DHX29: variants seen among roughly 807,000 people sequenced by gnomAD.
DHX29 encodes the protein DExH-box helicase 29, also known as ATP-dependent RNA helicase DHX29.
In DHX29, 79 loss-of-function variants were observed where a neutral mutation model predicts 167.9. That is an observed-to-expected ratio of 0.47 (90% CI 0.39 to 0.57). DHX29 has a LOEUF of 0.57. Ranked by LOEUF, DHX29 falls within the 20% of genes least tolerant of loss-of-function variation. The pLI, the probability that DHX29 is intolerant of heterozygous loss-of-function variation, is 0.00. For synonymous variants in DHX29, 530 were observed against 546.0 expected (o/e 0.97, Z 0.41); for missense variants, 1,347 against 1,593.4 (o/e 0.85, Z 2.63).
rs1485792786 is a variant in DHX29, at chr5:55,276,383, T to C, written c.2310A>G (p.Ile770Met). The C allele has an allele frequency of 6.3e-7, 1 of 1,591,812 alleles. No individual in the cohort carries two copies. The highest frequency in any genetic ancestry group is 2.3e-5 in the East Asian group (1 of 44,400). ...TTTCCAGTACAAAGCCTGTTTCTTC[T>C]ATTATATCTTCAAGATGAAAAACCT... ...PVEVFHLEDIIEETGFVLEKD... is the reference protein window; with the variant it reads ...PVEVFHLEDIMEETGFVLEKD... The change falls in exon 14 of 27, where the codon ATA becomes ATG. Residue 770 changes from isoleucine (I) to methionine (M), a missense_variant. By Grantham distance (10) the Ile-to-Met change is conservative (BLOSUM62 1). Coordinates refer to ENST00000251636, the MANE Select transcript of DHX29 (RefSeq NM_019030.4).
chr5:55,286,111 C>T (rs772809409), intron 8 of DHX29, among the ~76,000 whole-genome samples: 7 of 151,870 alleles, frequency 4.6e-5, no homozygotes, highest in Non-Finnish European at 7.4e-5. Flanking sequence ...AAAAATTATT[C>T]GGCGTGGTGG....
chr5:55,286,313 A>G (rs1404257209), intron 8 of DHX29, among the ~76,000 whole-genome samples: 1 of 152,072 alleles, frequency 6.6e-6, no homozygotes, highest in East Asian at 1.9e-4. Flanking sequence ...ATTTTCTTCT[A>G]TGTGACATAA....
chr5:55,289,253 T>C lies in DHX29; in HGVS notation c.1066+17A>G. 6.5e-7 allele frequency: 1 copy of C among 1,532,506 alleles called. No homozygotes were observed. Among genetic ancestry groups the C allele is most frequent in the Non-Finnish European group, 8.7e-7 (1 of 1,148,114 alleles). 94.9% of individuals were successfully genotyped at this position (1,532,506 alleles called of 1,614,324 possible). The stretch of plus-strand genomic sequence containing the variant: ...TTATTTACAAATTACACCCTGACCA[T>C]CTTCCCTTAATTTTACCTTTCTCTT... On this transcript the variant is annotated intron_variant, in intron 8 of 26. Coordinates refer to ENST00000251636, the MANE Select transcript of DHX29 (RefSeq NM_019030.4).
At chr5:55,278,385 G>A (rs1275537402) in intron 12 of DHX29, among the ~76,000 whole-genome samples, 1 of 152,214 alleles carries the variant, frequency 6.6e-6, no homozygotes, top group East Asian at 1.9e-4. Flanking sequence ...CACTTACAGT[G>A]TGACTTAGGA....
At chr5:55,275,048 A>G in intron 14 of DHX29, 38 bp from the exon 15 acceptor site, 1 of 1,597,174 alleles carries the variant, frequency 6.3e-7, no homozygotes, top group East Asian at 2.2e-5. Flanking sequence ...GAATAAAAAT[A>G]TTAAGTATTT....
intron 1 of DHX29, among the ~76,000 whole-genome samples, chr5:55,299,351 C>G (rs1748486983): frequency 6.6e-6 from 1 of 152,158 alleles, no homozygotes; most frequent in African/African-American, 2.4e-5. Context: ...AGAGAAAGCA[C>G]TCTTTCTTGA....
At chr5:55,277,047 G>A in intron 13 of DHX29, 59 bp downstream of exon 13, 1 of 1,316,174 alleles carries the variant, frequency 7.6e-7, no homozygotes, top group Non-Finnish European at 1.1e-6. Context: ...CATCTTCTAG[G>A]GAAAGAACCT....
At position 55,307,609 on chromosome 5, in the gene DHX29, GC is replaced by G. The variant is rs1473761007; in HGVS notation, c.-37del. On this transcript the variant is annotated 5_prime_UTR_variant, in exon 1 of 27. Transcript: ENST00000251636. ...TGGCAGAAGATCCTTCGCGGCCCAG[GC>G]CCCGACGGTACCACTGCACAGCCGA... is the stretch of plus-strand genomic sequence containing the variant. The G allele has an allele frequency of 3.7e-6, 6 of 1,609,298 alleles. No homozygotes were observed. The highest frequency in any genetic ancestry group is 5.1e-6 in the Non-Finnish European group (6 of 1,179,268).
intron 16 of DHX29, 87 bp downstream of exon 16, chr5:55,274,527 C>A (rs1747009750): frequency 4.0e-6 from 4 of 992,488 alleles, no homozygotes; most frequent in Non-Finnish European, 5.9e-6. Flanking sequence ...GGTGAAAAGA[C>A]TTTGAAAACT....
At chr5:55,283,139 T>C in intron 11 of DHX29, 64 bp downstream of exon 11, 1 of 1,511,598 alleles carries the variant, frequency 6.6e-7, no homozygotes, top group South Asian at 1.3e-5. Flanking sequence ...TCCATTTGGA[T>C]CACAAAAGCA....
chr5:55,283,243 A>G lies in DHX29; in HGVS notation c.1925T>C (p.Val642Ala). 2 of 1,608,122 alleles carry G rather than the reference A, an allele frequency of 1.2e-6. No homozygotes were observed. Among genetic ancestry groups the G allele is most frequent in the Non-Finnish European group, 1.7e-6 (2 of 1,175,950 alleles). The stretch of plus-strand genomic sequence containing the variant: ...ATTTTCACAGCCCAATTCATCACAT[A>G]CTCTGTTGGCTAAACTAACTGCTGA... ...RISAVSLANR[V>A]CDELGCENGP... Residue 642 changes from valine (V) to alanine (A), a missense_variant, in exon 11 of 27, where the codon GTA becomes GCA. Physicochemically the swap from Val to Ala is moderately conservative, Grantham distance 64. Around this residue, in one of 3 missense-constraint regions of DHX29, gnomAD observed 882 missense variants for 1,082.4 expected, o/e 0.81. Transcript: ENST00000251636.
At chr5:55,266,235 G>A (rs1288754612) in intron 23 of DHX29, among the ~76,000 whole-genome samples, 1 of 151,016 alleles carries the variant, frequency 6.6e-6, no homozygotes, top group Non-Finnish European at 1.5e-5. Context: ...CTGACCTCAT[G>A]ATCCACCCGC....
In DHX29 at chr5:55,281,505, C is replaced by A; in HGVS notation, c.1976G>T (p.Cys659Phe). 1 of 1,584,888 alleles carries A rather than the reference C, an allele frequency of 6.3e-7. No individual in the cohort carries two copies. The highest frequency in any genetic ancestry group is 8.6e-7 in the Non-Finnish European group (1 of 1,166,514). The change falls in exon 12 of 27, where the codon TGT becomes TTT. Residue 659 changes from cysteine (C) to phenylalanine (F), a missense_variant. Cys to Phe is a radical substitution (Grantham distance 205, BLOSUM62 -2). This residue lies in a region of DHX29 where 882 missense variants were observed against 1,082.4 expected (regional missense o/e 0.81). Coordinates refer to ENST00000251636, the MANE Select transcript of DHX29 (RefSeq NM_019030.4). ...AGATTCCATCCGGATCTGATATCCA[C>A]ACAAGGAATTCTAAAGGGAGAACAT... ...ENGPGGRNSL[C>F]GYQIRMESRA...
At chr5:55,281,621 G>A (rs967357842) in intron 11 of DHX29, 106 bp from the exon 12 acceptor site, 4 of 692,946 alleles carry the variant, frequency 5.8e-6, no homozygotes, top group African/African-American at 1.8e-5. Flanking sequence ...ATGGAGCATT[G>A]TAAGTAATCT....
chr5:55,285,474 A>C (rs1040060508), intron 9 of DHX29, 58 bp from the exon 10 acceptor site: 19 of 1,504,276 alleles, frequency 1.3e-5, no homozygotes, highest in Admixed American at 4.3e-5. Flanking sequence ...GATAAAAAAA[A>C]CTCAGAATTC....
Position 55,262,831 on chromosome 5 carries a change from T to A in DHX29, c.3627A>T (p.Ser1209=), listed in dbSNP as rs777355598. Reference sequence around the variant, plus strand: ...CTTTAAGAAGGGCAATTTCTTGGAATGAGAGGGTCTGTGAGGCTCTGTTTC... The same window carrying A: ...CTTTAAGAAGGGCAATTTCTTGGAAAGAGAGGGTCTGTGAGGCTCTGTTTC... ...WEGNRASQTL[S]FQEIALLKAV... Residue 1209 remains serine (S), a synonymous_variant, in exon 24 of 27, where the codon TCA becomes TCT. Coordinates refer to ENST00000251636, the MANE Select transcript of DHX29 (RefSeq NM_019030.4). 1.2e-6 allele frequency: 2 copies of A among 1,613,920 alleles called. No homozygotes were observed. The highest frequency in any genetic ancestry group is 4.5e-5 in the East Asian group (2 of 44,890).
intron 12 of DHX29, chr5:55,279,714 G>A (rs1405425725): frequency 6.5e-6 from 1 of 154,700 alleles, no homozygotes; most frequent in African/African-American, 2.5e-5. Context: ...TTTTTGTTTT[G>A]TTTTGTTTTG....
Position 55,307,681 on chromosome 5 carries a change from GA to G in DHX29, c.-109del. The G allele has an allele frequency of 7.0e-7, 1 of 1,426,892 alleles. No homozygotes were observed. 88.4% of individuals were successfully genotyped at this position (1,426,892 alleles called of 1,614,324 possible). ...CTCCGGGGCTGCCACCCTGCGCTTCGATCCGGGCTTCTCGGGCCGGGGCGAC... is the reference window on the plus strand; with the variant it reads ...CTCCGGGGCTGCCACCCTGCGCTTCGTCCGGGCTTCTCGGGCCGGGGCGAC... On this transcript the variant is annotated 5_prime_UTR_variant, in exon 1 of 27. Transcript: ENST00000251636.
intron 23 of DHX29, 146 bp from the exon 24 acceptor site, chr5:55,263,078 GA>G (rs545988780): frequency 5.6e-3 from 3,032 of 541,142 alleles, no homozygotes; most frequent in South Asian, 9.3e-3. Context: ...TTACCTTAGG[GA>G]AAAAAAAAAG....
Sources: allele counts gnomAD v4.1 joint callset (sites outside exome capture counted in the v4.1 genomes callset), GRCh38; gene constraint gnomAD v4.1.1; regional missense constraint gnomAD v4.1.1; transcripts MANE v1.5; gene names NCBI Gene and HGNC (gene_info 2026-07-23, HGNC 2026-07-21).